The following GNAQ variants were observed in gnomAD, a reference collection of about 807,000 sequenced individuals.
The protein encoded by GNAQ is guanine nucleotide-binding protein G(q) subunit alpha.
In GNAQ, 8 loss-of-function variants were observed where a neutral mutation model predicts 43.9. The ratio of observed to expected loss-of-function variants is 0.18; its 90% CI spans 0.11 to 0.33. The LOEUF is 0.33. Among genes scored for constraint, GNAQ ranks in the 10% least tolerant of loss-of-function variants. The probability of loss-of-function intolerance (pLI) is 1.00; values close to 1 mark genes in which losing one functional copy is unlikely to be tolerated. For missense variants in GNAQ, 158 were observed against 450.8 expected, an observed-to-expected ratio of 0.35 and a Z score of 5.88; for synonymous variants, 155 against 170.7, an observed-to-expected ratio of 0.91 and a Z score of 0.71.
chr9:77,765,461 A>T (rs185406778), intron 5 of GNAQ, among the ~76,000 whole-genome samples: 1 of 152,266 alleles, frequency 6.6e-6, no homozygotes, highest in Non-Finnish European at 1.5e-5. Context: ...GGCAAAGGAC[A>T]TGAATAGACA....
intron 5 of GNAQ, among the ~76,000 whole-genome samples, chr9:77,755,815 T>C (rs749212478): frequency 6.6e-6 from 1 of 152,162 alleles, no homozygotes; most frequent in Non-Finnish European, 1.5e-5. Flanking sequence ...GAGATGTGTA[T>C]GGGTTCAAGT....
At chr9:77,862,037 G>A (rs925449506) in intron 2 of GNAQ, among the ~76,000 whole-genome samples, 1 of 151,016 alleles carries the variant, frequency 6.6e-6, no homozygotes, top group Admixed American at 6.6e-5. Flanking sequence ...AAAAAGAGGT[G>A]GACTCCCATG....
intron 1 of GNAQ, among the ~76,000 whole-genome samples, chr9:78,007,848 A>G (rs1429554875): frequency 6.6e-6 from 1 of 152,198 alleles, no homozygotes; most frequent in Non-Finnish European, 1.5e-5. Flanking sequence ...AACTCTCCAG[A>G]AAAGAATATA....
rs569365305 is a variant in GNAQ at position 78,017,342 on chromosome 9, G to A, written c.136+13758C>T. ...TACAAACTAGCTGCATCACAGCACTGTATGATTCAAAATGCACGGAGGAAA... is the reference window on the plus strand; with the variant it reads ...TACAAACTAGCTGCATCACAGCACTATATGATTCAAAATGCACGGAGGAAA... On this transcript the variant is annotated intron_variant, in intron 1 of 6. Transcript: ENST00000286548. Among the ~76,000 whole-genome samples, 12 of 152,252 alleles carry A rather than the reference G, an allele frequency of 7.9e-5. No individual in the cohort carries two copies. In the South Asian group the frequency reaches 1.7e-3, roughly 21 times the overall value.
chr9:77,806,041 T>A (rs1826824794), intron 3 of GNAQ, among the ~76,000 whole-genome samples: 1 of 152,162 alleles, frequency 6.6e-6, no homozygotes, highest in Non-Finnish European at 1.5e-5. Flanking sequence ...GCCAGACAGA[T>A]GCCAGGGCTG....
intron 2 of GNAQ, among the ~76,000 whole-genome samples, chr9:77,888,113 T>C (rs1828341450): frequency 6.6e-6 from 1 of 152,242 alleles, no homozygotes; most frequent in African/African-American, 2.4e-5. Flanking sequence ...TGATGACATC[T>C]TTCTGATGGC....
At chr9:77,870,335 TTTTTTTTTTTTTTTA>T (rs1186303754) in intron 2 of GNAQ, among the ~76,000 whole-genome samples, 1 of 148,442 alleles carries the variant, frequency 6.7e-6, no homozygotes, top group East Asian at 2.0e-4. Flanking sequence ...TTTTTTTTTT[TTTTTTTTTTTTTTTA>T]GACGGAGTTT....
chr9:77,860,008 T>C (rs1321700457), intron 2 of GNAQ, among the ~76,000 whole-genome samples: 1 of 152,202 alleles, frequency 6.6e-6, no homozygotes, highest in Non-Finnish European at 1.5e-5. Context: ...ATCTATAATT[T>C]ATAACAGAAA....
At chr9:78,030,187 A>G (rs1256741422) in intron 1 of GNAQ, among the ~76,000 whole-genome samples, 1 of 152,170 alleles carries the variant, frequency 6.6e-6, no homozygotes, top group Non-Finnish European at 1.5e-5. Context: ...TGTTGCCAAG[A>G]GAGTAACTGA....
chr9:78,009,941 T>C (rs968505208), intron 1 of GNAQ, among the ~76,000 whole-genome samples: 5 of 152,006 alleles, frequency 3.3e-5, no homozygotes, highest in African/African-American at 1.2e-4. Context: ...TCAAGAAAAA[T>C]GAAACAAACA....
At chr9:78,021,046 T>C (rs981448274) in intron 1 of GNAQ, among the ~76,000 whole-genome samples, 2 of 77,776 alleles carry the variant, frequency 2.6e-5, no homozygotes, top group Non-Finnish European at 5.5e-5. Context: ...AGGAAGCTGC[T>C]TTTTTTTTTT....
chr9:77,802,525 G>A (rs1440186227), intron 3 of GNAQ, among the ~76,000 whole-genome samples: 1 of 151,520 alleles, frequency 6.6e-6, no homozygotes, highest in Non-Finnish European at 1.5e-5. Flanking sequence ...ACAGGTTCAT[G>A]TTAAATTATT....
chr9:77,891,386 T>G (rs1828403323), intron 2 of GNAQ, among the ~76,000 whole-genome samples: 1 of 152,326 alleles, frequency 6.6e-6, no homozygotes, highest in South Asian at 2.1e-4. Context: ...AGGTTGTTTT[T>G]TGGGGAGGGG....
intron 2 of GNAQ, among the ~76,000 whole-genome samples, chr9:77,899,448 T>C (rs962825989): frequency 6.6e-6 from 1 of 152,034 alleles, no homozygotes; most frequent in Admixed American, 6.6e-5. Context: ...TGTGTGTGTG[T>C]GTACTCTGCT....
At chr9:77,787,511 C>T (rs2118422402) in intron 5 of GNAQ, among the ~76,000 whole-genome samples, 1 of 152,254 alleles carries the variant, frequency 6.6e-6, no homozygotes, top group African/African-American at 2.4e-5. Flanking sequence ...ATGGTATTGG[C>T]ACAACTGATA....
intron 2 of GNAQ, among the ~76,000 whole-genome samples, chr9:77,899,234 T>A (rs1828553419): frequency 6.6e-6 from 1 of 152,042 alleles, no homozygotes; most frequent in South Asian, 2.1e-4. Context: ...GTAGCTAGGA[T>A]TACAGGCATG....
At chr9:77,904,425 C>T (rs975414250) in intron 2 of GNAQ, among the ~76,000 whole-genome samples, 7 of 149,706 alleles carry the variant, frequency 4.7e-5, no homozygotes, top group African/African-American at 1.5e-4. Flanking sequence ...CTCCACCTCC[C>T]GGGTTCACCC....
At chr9:77,742,278 A>G (rs1266669221) in intron 5 of GNAQ, among the ~76,000 whole-genome samples, 1 of 152,188 alleles carries the variant, frequency 6.6e-6, no homozygotes, top group Non-Finnish European at 1.5e-5. Flanking sequence ...CTCCTTTTTA[A>G]ACGCAGCATT....
At chr9:77,956,998 AT>A (rs1823048805) in intron 1 of GNAQ, among the ~76,000 whole-genome samples, 2 of 152,220 alleles carry the variant, frequency 1.3e-5, no homozygotes, top group Non-Finnish European at 2.9e-5. Context: ...AGGATAACTA[AT>A]AAAGTAGCCT....
Sources: gnomAD v4.1 joint callset for allele counts (sites outside exome capture counted in the v4.1 genomes callset) on GRCh38, gnomAD v4.1.1 for gene constraint, MANE v1.5 for transcripts, NCBI Gene and HGNC (gene_info 2026-07-23, HGNC 2026-07-21) for gene names.